The following ARHGAP9 variants were observed in gnomAD, a reference collection of about 807,000 sequenced individuals.
ARHGAP9 encodes Rho GTPase activating protein 9.
ARHGAP9 carries 76 observed loss-of-function variants against 87.3 expected under a neutral mutation model. That is an observed-to-expected ratio of 0.87 (90% confidence interval 0.72 to 1.05). The LOEUF (loss-of-function observed/expected upper bound fraction) is 1.05, where lower values mean the gene tolerates loss of function less well. ARHGAP9 is among the 50% of genes least tolerant of loss of function. ARHGAP9 has a pLI of 0.00. For synonymous variants in ARHGAP9, 382 were observed against 394.9 expected (o/e 0.97, Z 0.39); for missense variants, 941 against 960.5 (o/e 0.98, Z 0.27).
chr12:57,473,048 G>A (rs530740481), intron 17 of ARHGAP9, among the ~76,000 whole-genome samples: 1 of 152,334 alleles, frequency 6.6e-6, no homozygotes, highest in East Asian at 1.9e-4. Flanking sequence ...GAGGCAGAGG[G>A]AAGGGAGAAG....
chr12:57,477,647 C>G lies in ARHGAP9; in HGVS notation c.568G>C (p.Val190Leu), dbSNP rs766946536. Residue 190 changes from valine to leucine, a missense_variant, in exon 4 of 18, where the codon GTG (valine) becomes CTG (leucine). Transcript: ENST00000393791. ...CGAAGGTCCACCAGGTTACAGTACACAGGGGGCTCTGACATGAGGGGCTGG... is the reference window on the plus strand; with the variant it reads ...CGAAGGTCCACCAGGTTACAGTACAGAGGGGGCTCTGACATGAGGGGCTGG... Reference protein sequence around the residue: ...GPQPLMSEPPVYCNLVDLRRC... With the variant: ...GPQPLMSEPPLYCNLVDLRRC... The G allele has an allele frequency of 1.2e-6, 2 of 1,613,068 alleles. No individual in the cohort carries two copies. Among genetic ancestry groups the G allele is most frequent in the Admixed American group, 1.7e-5 (1 of 59,914 alleles).
rs1489001296 is a variant in ARHGAP9, at chr12:57,474,088, C to G, written c.1872G>C (p.Gln624His). 6.2e-7 allele frequency: 1 copy of G among 1,614,066 alleles called. No homozygotes were observed. Among genetic ancestry groups the G allele is most frequent in the Admixed American group, 1.7e-5 (1 of 60,012 alleles). ...ALKLFLRELP[Q>H]PLVPPLLLPH... ...GCAGCAGCAGTGGTGGCACCAGAGG[C>G]TGGGGCAGCTCCCGGAGAAAAAGCT... The change falls in exon 16 of 18, where the codon CAG (glutamine) becomes CAC (histidine). Residue 624 changes from glutamine to histidine, a missense_variant. By Grantham distance (24) the Gln-to-His change is conservative. Coordinates refer to ENST00000393791, the MANE Select transcript of ARHGAP9 (RefSeq NM_032496.4).
rs1052926496 is a variant in ARHGAP9, at chr12:57,478,556, T to C, written c.518A>G (p.Glu173Gly). ...GTGACTCACTGTGCTGGCACTGGCT[T>C]CTGACGGCAAGTCTTCCTGGGAGAG... The part of the protein sequence containing the change: ...RSLSQEDLPS[E>G]ASASTAGPQP... Residue 173 changes from glutamate (E) to glycine (G), a missense_variant, in exon 3 of 18, where the codon GAA becomes GGA. Glu to Gly is a moderately conservative substitution (Grantham distance 98). Transcript: ENST00000393791. The C allele has an allele frequency of 6.2e-7, 1 of 1,614,034 alleles. No homozygotes were observed. The highest frequency in any genetic ancestry group is 1.7e-5 in the Admixed American group (1 of 60,008).
At chr12:57,477,332 CCTT>C in intron 4 of ARHGAP9, 63 bp from the exon 5 acceptor site, 2 of 1,512,018 alleles carry the variant, frequency 1.3e-6, no homozygotes, top group Non-Finnish European at 1.8e-6. Context: ...CTCTCCACAC[CCTT>C]CTTATACTTG....
chr12:57,479,020 C>T, intron 2 of ARHGAP9, 71 bp downstream of exon 2: 1 of 1,541,466 alleles, frequency 6.5e-7, no homozygotes, highest in Non-Finnish European at 8.8e-7. Flanking sequence ...CCCAAAATTC[C>T]CAGAAGCCAG....
exon 1 of ARHGAP9, chr12:57,488,743 C>A: frequency 1.5e-6 from 2 of 1,306,246 alleles, no homozygotes; most frequent in South Asian, 2.5e-5. Context: ...TACTTTCAGT[C>A]GTTAAGTTCT....
chr12:57,479,030 G>C, intron 2 of ARHGAP9, 61 bp downstream of exon 2: 1 of 1,564,074 alleles, frequency 6.4e-7, no homozygotes, highest in Non-Finnish European at 8.7e-7. Context: ...CCAGAAGCCA[G>C]GGAGGTAGGA....
intron 3 of ARHGAP9, chr12:57,478,041 A>G: frequency 1.0e-6 from 1 of 988,130 alleles, no homozygotes. Context: ...AGAAGGGTCT[A>G]CAGAAGGGAA....
In ARHGAP9 at chr12:57,474,952, A is replaced by C; in HGVS notation, c.1574T>G (p.Leu525Trp). 6.2e-7 allele frequency: 1 copy of C among 1,614,104 alleles called. No individual in the cohort carries two copies. The highest frequency in any genetic ancestry group is 8.5e-7 in the Non-Finnish European group (1 of 1,180,040). The change falls in exon 13 of 18, where the codon TTG (leucine) becomes TGG (tryptophan). Residue 525 changes from leucine (L) to tryptophan (W), a missense_variant. Leu to Trp is a moderately conservative substitution (Grantham distance 61). Transcript: ENST00000393791. The part of the protein sequence containing the change: ...LLRDQVFGCQ[L>W]ESLCQREGDT... ...TCCTTCCCGCTGGCAGAGTGATTCC[A>C]ACTGGCAGCCGAACACCTGGTCTGG...
In ARHGAP9 at chr12:57,478,727, TC is replaced by T; in HGVS notation, c.346del (p.Glu116SerfsTer33). On this transcript the variant is annotated frameshift_variant, in exon 3 of 18. Transcript: ENST00000393791. LOFTEE classifies it high-confidence loss of function. ...GPKLFHGSLE[E>X]LSQALPSRAQ... ...CCTGCTTGGGAGGGCCTGAGACAAC[TC>T]CTCCAGGGAACCATGAAACAACTTC... 6.2e-7 allele frequency: 1 copy of T among 1,611,352 alleles called. No individual in the cohort carries two copies. The highest frequency in any genetic ancestry group is 8.5e-7 in the Non-Finnish European group (1 of 1,178,160).
chr12:57,482,209 G>A (rs1875062780), upstream of ARHGAP9, among the ~76,000 whole-genome samples: 1 of 152,012 alleles, frequency 6.6e-6, no homozygotes, highest in Admixed American at 6.6e-5. Context: ...GGAGCTTGAG[G>A]TGCAACATAG....
chr12:57,487,850 CAAAAAAAAAAAAA>C, intron 1 of ARHGAP9: 1 of 175,964 alleles, frequency 5.7e-6, no homozygotes, highest in Non-Finnish European at 1.0e-5. Context: ...CGCCCTCTCA[CAAAAAAAAAAAAA>C]AAAAAAAAAA....
chr12:57,476,779 T>G (rs1873857401), intron 6 of ARHGAP9, 92 bp downstream of exon 6: 13 of 1,494,322 alleles, frequency 8.7e-6, no homozygotes, highest in Non-Finnish European at 1.2e-5. Flanking sequence ...TAGGAGGATA[T>G]TCAGAAAGAG....
chr12:57,475,029 T>C, intron 12 of ARHGAP9, 56 bp from the exon 13 acceptor site: 2 of 1,556,384 alleles, frequency 1.3e-6, no homozygotes, highest in Non-Finnish European at 1.8e-6. Flanking sequence ...CAGGAGCTCT[T>C]CTCAGCATAG....
At chr12:57,477,354 T>C (rs1874141770) in intron 4 of ARHGAP9, 85 bp from the exon 5 acceptor site, 3 of 1,519,234 alleles carry the variant, frequency 2.0e-6, no homozygotes, top group East Asian at 4.5e-5. Context: ...TGGCTGATTC[T>C]TCTGATCTTC....
chr12:57,476,133 C>A lies in ARHGAP9; in HGVS notation c.1150G>T (p.Asp384Tyr), dbSNP rs987043255. Reference protein sequence around the residue: ...PAGSRPESSVDLRGAALAHGR... With the variant: ...PAGSRPESSVYLRGAALAHGR... ...TGCGCCAGGGCCGCCCCGCGCAGGT[C>A]CACGCTACTTTCGGGCCGGCTACCC... Residue 384 changes from aspartate (D) to tyrosine (Y), a missense_variant, in exon 9 of 18, where the codon GAC becomes TAC. Transcript: ENST00000393791. The A allele has an allele frequency of 6.5e-7, 1 of 1,543,588 alleles. No individual in the cohort carries two copies. Among genetic ancestry groups the A allele is most frequent in the Non-Finnish European group, 8.7e-7 (1 of 1,144,182 alleles).
intron 15 of ARHGAP9, 106 bp from the exon 16 acceptor site, chr12:57,474,282 C>T (rs1488431018): frequency 3.4e-5 from 53 of 1,578,886 alleles, no homozygotes; most frequent in Non-Finnish European, 4.3e-5. Context: ...TATAGGAATG[C>T]CTAGAGGGTC....
At chr12:57,480,114 A>T, upstream of ARHGAP9, 1 of 985,354 alleles carries the variant, frequency 1.0e-6, no homozygotes, top group Non-Finnish European at 1.2e-6. Flanking sequence ...GGGAGCTGAG[A>T]AGCCTTGATA....
In ARHGAP9 at chr12:57,478,524, A is replaced by T; in HGVS notation, c.534+16T>A. The T allele has an allele frequency of 6.2e-7, 1 of 1,612,476 alleles. No individual in the cohort carries two copies. The highest frequency in any genetic ancestry group is 8.5e-7 in the Non-Finnish European group (1 of 1,178,644). ...GTGCCTAGAACAGGGCCCAGCTCAG[A>T]AGAGCTGTGACTCACTGTGCTGGCA... On this transcript the variant is annotated intron_variant, in intron 3 of 17. Transcript: ENST00000393791.
Sources: gnomAD v4.1 joint callset for allele counts (sites outside exome capture counted in the v4.1 genomes callset) on GRCh38, gnomAD v4.1.1 for gene constraint, MANE v1.5 for transcripts, NCBI Gene and HGNC (gene_info 2026-07-23, HGNC 2026-07-21) for gene names.